Variants in CDH17 observed in about 807,000 individuals in gnomAD.
CDH17 encodes cadherin 17, also known as cadherin-17.
CDH17 carries 67 observed loss-of-function variants against 86.3 expected under a neutral mutation model. The observed-to-expected ratio is 0.78, with a 90% confidence interval of 0.64 to 0.95. The LOEUF (loss-of-function observed/expected upper bound fraction) is 0.95. Ranked by LOEUF, CDH17 falls within the 40% of genes least tolerant of loss-of-function variation. The pLI, the probability that CDH17 is intolerant of heterozygous loss-of-function variation, is 0.00. For missense variants in CDH17, 993 were observed against 1,017.6 expected, an observed-to-expected ratio of 0.98 and a Z score of 0.33; for synonymous variants, 367 against 366.4, an observed-to-expected ratio of 1.00 and a Z score of -0.02.
chr8:94,196,855 C>A (rs1813794855), intron 1 of CDH17, among the ~76,000 whole-genome samples: 1 of 152,112 alleles, frequency 6.6e-6, no homozygotes, highest in African/African-American at 2.4e-5. Flanking sequence ...TCTTTGTAAC[C>A]ACGTGTACAG....
rs746490736 is a variant in CDH17 at position 94,189,213 on chromosome 8, G to A, written c.124C>T (p.Gln42Ter). 28 of 1,613,200 alleles carry A rather than the reference G, an allele frequency of 1.7e-5. No individual in the cohort carries two copies. In the South Asian group the frequency reaches 2.8e-4, roughly 16 times the overall value. The part of the protein sequence containing the change: ...KPMTFSIYEG[Q>*]EPSQIIFQFK... Reference sequence around the variant, plus strand: ...TGGAATATAATTTGACTCGGTTCTTGGCCTTCATAAATAGAAAATGTCATG... The same window carrying A: ...TGGAATATAATTTGACTCGGTTCTTAGCCTTCATAAATAGAAAATGTCATG... Residue 42 changes from glutamine to a stop codon, truncating the protein, a stop_gained, in exon 3 of 18, where the codon CAA becomes TAA. Coordinates refer to ENST00000027335, the MANE Select transcript of CDH17 (RefSeq NM_004063.4). LOFTEE classifies it high-confidence loss of function.
intron 10 of CDH17, among the ~76,000 whole-genome samples, chr8:94,163,179 C>G (rs758933254): frequency 2.0e-5 from 3 of 152,196 alleles, no homozygotes; most frequent in Non-Finnish European, 2.9e-5. Flanking sequence ...CTGTCATTCC[C>G]ATTTAATTAA....
At chr8:94,130,802 TC>T in intron 16 of CDH17, 63 bp from the exon 17 acceptor site, 1 of 1,520,824 alleles carries the variant, frequency 6.6e-7, no homozygotes, top group Non-Finnish European at 9.1e-7. Flanking sequence ...GAATCCCATA[TC>T]AAAGACAAGA....
intron 12 of CDH17, among the ~76,000 whole-genome samples, chr8:94,156,736 C>T (rs921860856): frequency 2.0e-5 from 3 of 152,172 alleles, no homozygotes; most frequent in African/African-American, 4.8e-5. Flanking sequence ...CATACCTGTC[C>T]GCAGGTAGAA....
At chr8:94,148,711 C>CA in intron 14 of CDH17, 33 bp downstream of exon 14, 2 of 1,345,940 alleles carry the variant, frequency 1.5e-6, no homozygotes. Flanking sequence ...ATCTGTGTTC[C>CA]TTTTTTTTTG....
At chr8:94,213,633 C>T (rs751799136) in intron 1 of CDH17, among the ~76,000 whole-genome samples, 14 of 152,118 alleles carry the variant, frequency 9.2e-5, no homozygotes, top group Non-Finnish European at 1.9e-4. Context: ...CAGATTTCAC[C>T]TAACAAGCTT....
chr8:94,129,989 C>T (rs759332843), intron 17 of CDH17, among the ~76,000 whole-genome samples: 1 of 152,156 alleles, frequency 6.6e-6, no homozygotes, highest in Non-Finnish European at 1.5e-5. Flanking sequence ...CACTTCTGCT[C>T]TCAAGCATTT....
intron 15 of CDH17, among the ~76,000 whole-genome samples, chr8:94,144,994 G>C (rs1812712593): frequency 6.6e-6 from 1 of 152,186 alleles, no homozygotes; most frequent in East Asian, 1.9e-4. Flanking sequence ...AAATTAAAGA[G>C]GCTGAGCACA....
chr8:94,166,788 G>A lies in CDH17; in HGVS notation c.1067-812C>T, dbSNP rs139609401. Among the ~76,000 whole-genome samples the A allele has an allele frequency of 1.6e-3, 243 of 152,280 alleles. 1 individual carries two copies. Among genetic ancestry groups the A allele is most frequent in the Non-Finnish European group, 2.1e-3 (145 of 68,026 alleles). On this transcript the variant is annotated intron_variant, in intron 9 of 17. Transcript: ENST00000027335. ...ACACAGAGGAGGAAATGATCTGGAG[G>A]AGGAAGCCAGAAGTTGGAGATAGGC...
chr8:94,200,532 C>CTTTTTTTTTTTTTTTTTTTTTT lies in CDH17; in HGVS notation c.-20-5828_-20-5827insAAAAAAAAAAAAAAAAAAAAAA, dbSNP rs1387182561. 6.0e-5 allele frequency among the ~76,000 whole-genome samples: 3 copies of CTTTTTTTTTTTTTTTTTTTTTT among 50,236 alleles called. 1 individual carries two copies. The allele number at this position is 50,236 out of a possible 152,430, so 33.0% of individuals were successfully genotyped here. ...TAGATCAGAGGGTTATTATTATTAT[C>CTTTTTTTTTTTTTTTTTTTTTT]TTTTGTTTTTTTTTTTTTTTTTTTT... On this transcript the variant is annotated intron_variant, in intron 1 of 17. Coordinates refer to ENST00000027335, the MANE Select transcript of CDH17 (RefSeq NM_004063.4).
intron 17 of CDH17, 116 bp from the exon 18 acceptor site, chr8:94,128,456 G>A: frequency 1.5e-6 from 1 of 666,370 alleles, no homozygotes; most frequent in Non-Finnish European, 2.6e-6. Flanking sequence ...TTTTGTATGT[G>A]ATTCAACAAA....
At chr8:94,208,315 T>C (rs1421010397) in intron 1 of CDH17, among the ~76,000 whole-genome samples, 168 bp downstream of exon 1, 1 of 152,156 alleles carries the variant, frequency 6.6e-6, no homozygotes, top group Non-Finnish European at 1.5e-5. Context: ...TTGTGCTCCA[T>C]AAGCAAAACT....
chr8:94,191,165 AG>A (rs201089868), intron 2 of CDH17, among the ~76,000 whole-genome samples: 22 of 152,282 alleles, frequency 1.4e-4, no homozygotes, highest in South Asian at 1.0e-3. Flanking sequence ...TTTAAAAAAA[AG>A]GGTAGTTGTG....
intron 15 of CDH17, among the ~76,000 whole-genome samples, chr8:94,141,758 G>A (rs1812642787): frequency 2.0e-5 from 3 of 152,106 alleles, no homozygotes; most frequent in Non-Finnish European, 4.4e-5. Flanking sequence ...CATATACCAT[G>A]TTCATGAATT....
At chr8:94,215,563 T>G (rs898304227) in intron 1 of CDH17, among the ~76,000 whole-genome samples, 2 of 152,138 alleles carry the variant, frequency 1.3e-5, no homozygotes, top group African/African-American at 4.8e-5. Flanking sequence ...TTTCTAAGTT[T>G]TATTGTGGTG....
chr8:94,135,801 C>T (rs1482650545), intron 15 of CDH17, among the ~76,000 whole-genome samples: 1 of 152,130 alleles, frequency 6.6e-6, no homozygotes, highest in Non-Finnish European at 1.5e-5. Context: ...CTGGTTGTTC[C>T]TTTCCATGTT....
chr8:94,195,578 C>T (rs746662726), intron 1 of CDH17, among the ~76,000 whole-genome samples: 36 of 152,146 alleles, frequency 2.4e-4, no homozygotes, highest in African/African-American at 7.7e-4. Flanking sequence ...GTCTCCTGTC[C>T]GATATTATTT....
In CDH17 at chr8:94,174,014, G is replaced by A; in HGVS notation, c.584-18C>T. ...CTGAGATCCTGTGAGAAGTAGGGGA[G>A]AAGGGAATAGGAAGTGTCTCTGGAA... On this transcript the variant is annotated intron_variant, in intron 6 of 17. Transcript: ENST00000027335. The A allele has an allele frequency of 1.2e-6, 2 of 1,611,134 alleles. No individual in the cohort carries two copies. Among genetic ancestry groups the A allele is most frequent in the Non-Finnish European group, 1.7e-6 (2 of 1,177,396 alleles).
chr8:94,162,245 A>G, intron 10 of CDH17, 83 bp from the exon 11 acceptor site: 1 of 913,402 alleles, frequency 1.1e-6, no homozygotes. Context: ...AATACTTGGC[A>G]AGTGAAGTGA....
Sources: gnomAD v4.1 joint callset for allele counts (sites outside exome capture counted in the v4.1 genomes callset) on GRCh38, gnomAD v4.1.1 for gene constraint, MANE v1.5 for transcripts, NCBI Gene and HGNC (gene_info 2026-07-23, HGNC 2026-07-21) for gene names.